JPH1: variants seen among roughly 807,000 people sequenced by gnomAD.
The protein encoded by JPH1 is junctophilin-1.
Under a neutral mutation model 53.6 loss-of-function variants are expected in JPH1, and 12 were observed. The ratio of observed to expected loss-of-function variants is 0.22; its 90% CI spans 0.14 to 0.36. JPH1 has a LOEUF of 0.36. Among genes scored for constraint, JPH1 ranks in the 10% least tolerant of loss-of-function variants. The probability of loss-of-function intolerance (pLI) is 1.00; values close to 1 mark genes in which losing one functional copy is unlikely to be tolerated. For synonymous variants in JPH1, 375 were observed against 363.8 expected, an observed-to-expected ratio of 1.03 and a Z score of -0.35; for missense variants, 808 against 905.5, an observed-to-expected ratio of 0.89 and a Z score of 1.38.
At chr8:74,287,283 T>A (rs1807193965) in intron 2 of JPH1, among the ~76,000 whole-genome samples, 1 of 151,958 alleles carries the variant, frequency 6.6e-6, no homozygotes, top group Admixed American at 6.6e-5. Flanking sequence ...AATACAAAAA[T>A]TAGCCATGGT....
At chr8:74,297,842 C>T (rs2142182) in intron 2 of JPH1, among the ~76,000 whole-genome samples, 38,299 of 152,126 alleles carry the variant, frequency 0.25, 4,970 homozygotes, top group Middle Eastern at 0.3. Flanking sequence ...GTGATGACTA[C>T]TCTTATTACC....
chr8:74,247,863 A>G (rs1805902783), intron 3 of JPH1, among the ~76,000 whole-genome samples: 1 of 152,224 alleles, frequency 6.6e-6, no homozygotes, highest in Admixed American at 6.5e-5. Flanking sequence ...ATAAATATAT[A>G]CAACTATAAC....
chr8:74,313,374 A>G (rs1273239956), intron 2 of JPH1, among the ~76,000 whole-genome samples: 3 of 152,318 alleles, frequency 2.0e-5, no homozygotes, highest in African/African-American at 7.2e-5. Context: ...GGAGAGAGAG[A>G]GACCCTTCAT....
intron 2 of JPH1, among the ~76,000 whole-genome samples, chr8:74,284,701 T>C (rs914310836): frequency 1.3e-5 from 2 of 152,020 alleles, no homozygotes; most frequent in African/African-American, 4.8e-5. Context: ...TTCTTAAGGC[T>C]TTTTTCCCCC....
At chr8:74,293,387 C>T (rs1199225152) in intron 2 of JPH1, among the ~76,000 whole-genome samples, 1 of 152,172 alleles carries the variant, frequency 6.6e-6, no homozygotes, top group Non-Finnish European at 1.5e-5. Flanking sequence ...AAACACTTAA[C>T]ACACACCAAT....
intron 2 of JPH1, among the ~76,000 whole-genome samples, chr8:74,295,417 C>T (rs760430100): frequency 6.6e-6 from 1 of 152,120 alleles, no homozygotes; most frequent in African/African-American, 2.4e-5. Flanking sequence ...ACTCTGAGGA[C>T]GAACACTGTC....
chr8:74,235,291 T>C lies in JPH1; in HGVS notation c.*1760A>G, dbSNP rs186908255. 2.1e-4 allele frequency: 32 copies of C among 152,722 alleles called. No individual in the cohort carries two copies. Among genetic ancestry groups the C allele is most frequent in the African/African-American group, 6.3e-4 (26 of 41,576 alleles). 9.5% of individuals were successfully genotyped at this position (152,722 alleles called of 1,614,324 possible). A position where few individuals can be genotyped will look rare whatever the true frequency, so the allele number is the denominator to read the frequency against. ...CAAAGCAAAATGTAAAAAATGAATA[T>C]ACAAGTTGAAATTTTTCATTTGCTC... On this transcript the variant is annotated 3_prime_UTR_variant, in exon 6 of 6. Coordinates refer to ENST00000342232, the MANE Select transcript of JPH1 (RefSeq NM_020647.4).
rs1805731740 is a variant in JPH1 at position 74,242,704 on chromosome 8, G to A, written c.1905+1825C>T. On this transcript the variant is annotated intron_variant, in intron 4 of 5. Transcript: ENST00000342232. ...TAGAATCTTCGCGTGAAGGTGTCAA[G>A]TCGGTCTTGAATTTTGCAGAGGCAG... Among the ~76,000 whole-genome samples, 2 of 152,210 alleles carry A rather than the reference G, an allele frequency of 1.3e-5. 1 individual carries two copies.
At chr8:74,281,468 G>C (rs1807015533) in intron 2 of JPH1, among the ~76,000 whole-genome samples, 2 of 152,148 alleles carry the variant, frequency 1.3e-5, no homozygotes, top group Non-Finnish European at 2.9e-5. Flanking sequence ...TATTTCAGTT[G>C]GACAGACCTA....
chr8:74,295,915 C>T (rs142139348), intron 2 of JPH1, among the ~76,000 whole-genome samples: 6 of 152,024 alleles, frequency 3.9e-5, no homozygotes, highest in Non-Finnish European at 7.4e-5. Flanking sequence ...GTGTTTTACC[C>T]GAGTCCTGTG....
At chr8:74,283,543 AGGAAAG>A (rs1293004900) in intron 2 of JPH1, among the ~76,000 whole-genome samples, 4 of 152,168 alleles carry the variant, frequency 2.6e-5, no homozygotes, top group Admixed American at 6.6e-5. Context: ...GGTGAGAAGG[AGGAAAG>A]ATGGGCAGAA....
intron 3 of JPH1, among the ~76,000 whole-genome samples, chr8:74,254,619 T>C (rs1162625036): frequency 6.6e-6 from 1 of 152,128 alleles, no homozygotes; most frequent in South Asian, 2.1e-4. Flanking sequence ...TGTTTGCAGA[T>C]GACATGATTG....
intron 2 of JPH1, among the ~76,000 whole-genome samples, chr8:74,301,520 GGACA>G (rs1807681963): frequency 6.6e-6 from 1 of 152,170 alleles, no homozygotes; most frequent in Non-Finnish European, 1.5e-5. Flanking sequence ...TGCAGTGGGC[GGACA>G]GATCGCTCCT....
Position 74,315,485 on chromosome 8 carries a change from T to C in JPH1, c.515A>G (p.Asn172Ser). ...SLASLRSEQS[N>S]GSVLHDAAAA... ...TGCGGCGTCGTGGAGCACGCTGCCA[T>C]TGCTCTGCTCGCTGCGCAGCGAGGC... The change falls in exon 2 of 6, where the codon AAT (asparagine) becomes AGT (serine). Residue 172 changes from asparagine to serine, a missense_variant. Asn to Ser is a conservative substitution (Grantham distance 46). This residue lies in a region of JPH1 where 756 missense variants were observed against 811.9 expected (regional missense o/e 0.93). Coordinates refer to ENST00000342232, the MANE Select transcript of JPH1 (RefSeq NM_020647.4). The surrounding 1 kb of genome is among the most constrained non-coding windows in gnomAD (Gnocchi z 6.3). 6.2e-7 allele frequency: 1 copy of C among 1,607,422 alleles called. No individual in the cohort carries two copies. The highest frequency in any genetic ancestry group is 2.2e-5 in the East Asian group (1 of 44,742).
intron 2 of JPH1, among the ~76,000 whole-genome samples, chr8:74,285,294 C>G (rs1178546008): frequency 6.6e-6 from 1 of 151,930 alleles, no homozygotes; most frequent in Non-Finnish European, 1.5e-5. Flanking sequence ...AATACTATAT[C>G]TACTTTATGA....
chr8:74,264,071 A>G (rs1351301676), intron 2 of JPH1, among the ~76,000 whole-genome samples: 4 of 152,196 alleles, frequency 2.6e-5, no homozygotes, highest in African/African-American at 9.6e-5. Flanking sequence ...CTCTGATAAG[A>G]CAGACTCCTC....
chr8:74,292,649 T>TAAA (rs397938293), intron 2 of JPH1, among the ~76,000 whole-genome samples: 5 of 150,530 alleles, frequency 3.3e-5, no homozygotes, highest in South Asian at 2.1e-4. Context: ...ACACTGCTGT[T>TAAA]AAAAAACAAA....
At chr8:74,270,887 G>T (rs530195704) in intron 2 of JPH1, among the ~76,000 whole-genome samples, 3 of 152,118 alleles carry the variant, frequency 2.0e-5, no homozygotes, top group Non-Finnish European at 4.4e-5. Flanking sequence ...TATCTCTGTG[G>T]TGGGATTGAT....
intron 4 of JPH1, among the ~76,000 whole-genome samples, chr8:74,239,344 CTA>C (rs1161883148): frequency 1.3e-5 from 2 of 152,134 alleles, no homozygotes; most frequent in Admixed American, 1.3e-4. Context: ...GCTCTTTTCT[CTA>C]TATGTCTATT....
Sources: allele counts gnomAD v4.1 joint callset (sites outside exome capture counted in the v4.1 genomes callset), GRCh38; gene constraint gnomAD v4.1.1; regional missense constraint gnomAD v4.1.1; non-coding constraint Gnocchi (gnomAD v3.1); transcripts MANE v1.5; gene names NCBI Gene and HGNC (gene_info 2026-07-23, HGNC 2026-07-21).